Variants in EDRF1 observed in about 807,000 individuals in gnomAD.
The protein encoded by EDRF1 is erythroid differentiation regulatory factor 1, also known as erythroid differentiation-related factor 1.
Under a neutral mutation model 148.7 loss-of-function variants are expected in EDRF1, and 69 were observed. The ratio of observed to expected loss-of-function variants is 0.46; its 90% CI spans 0.38 to 0.57. The LOEUF is 0.57. Among genes scored for constraint, EDRF1 ranks in the 20% least tolerant of loss-of-function variants. The probability of loss-of-function intolerance (pLI) is 0.00; values close to 1 mark genes in which losing one functional copy is unlikely to be tolerated. For missense variants in EDRF1, 1,118 were observed against 1,478.7 expected, an observed-to-expected ratio of 0.76 and a Z score of 4.00; for synonymous variants, 515 against 532.8, an observed-to-expected ratio of 0.97 and a Z score of 0.46.
intron 7 of EDRF1, 105 bp downstream of exon 7, chr10:125,729,209 T>C: frequency 1.4e-6 from 2 of 1,445,550 alleles, no homozygotes; most frequent in Non-Finnish European, 1.9e-6. Flanking sequence ...CACTTGATCC[T>C]GAAACTGCTT....
At chr10:125,748,121 T>G in intron 21 of EDRF1, 109 bp downstream of exon 21, 1 of 1,326,004 alleles carries the variant, frequency 7.5e-7, no homozygotes, top group South Asian at 1.2e-5. Context: ...TCCACTCAGG[T>G]GAACTGCTGT....
chr10:125,747,798 GT>G, intron 20 of EDRF1, 64 bp from the exon 21 acceptor site: 1 of 1,610,218 alleles, frequency 6.2e-7, no homozygotes, highest in Non-Finnish European at 8.5e-7. Flanking sequence ...GTATTTAAAC[GT>G]TTTAAAAACT....
At chr10:125,726,973 G>A (rs575825495) in intron 6 of EDRF1, among the ~76,000 whole-genome samples, 3 of 152,276 alleles carry the variant, frequency 2.0e-5, no homozygotes, top group South Asian at 2.1e-4. Context: ...GTAGACTTGC[G>A]TGTTGAGGAA....
Position 125,738,405 on chromosome 10 carries a change from C to T in EDRF1, c.1941C>T (p.Pro647=), listed in dbSNP as rs766376569. 3 of 1,613,816 alleles carry T rather than the reference C, an allele frequency of 1.9e-6. No individual in the cohort carries two copies. Among genetic ancestry groups the T allele is most frequent in the Admixed American group, 1.7e-5 (1 of 59,988 alleles). Residue 647 remains proline (P), a synonymous_variant, in exon 15 of 25, where the codon CCC becomes CCT. Transcript: ENST00000356792. The stretch of plus-strand genomic sequence containing the variant: ...AAGATGAATCCTCAAGAGGGGGTCC[C>T]GAGGGGCTAGAGAAGCAGATGGCCT... ...KYEDESSRGG[P]EGLEKQMALF...
In EDRF1 at chr10:125,763,559, T is replaced by C. The variant is rs574930511; in HGVS notation, c.*87T>C. On this transcript the variant is annotated 3_prime_UTR_variant, in exon 25 of 25. Coordinates refer to ENST00000356792, the MANE Select transcript of EDRF1 (RefSeq NM_001202438.2). The surrounding 1 kb of genome is among the most constrained non-coding windows in gnomAD (Gnocchi z 4.3). ...TTCGGTGCTTTGTTTCATTAAATAA[T>C]AGGGAAATATCCATTTAAAACAGGT... The C allele has an allele frequency of 2.9e-5, 40 of 1,385,476 alleles. No individual in the cohort carries two copies. The South Asian group carries it at 3.9e-4, about 14-fold the overall frequency. The allele number at this position is 1,385,476 out of a possible 1,614,324, so 85.8% of individuals were successfully genotyped here. A position where few individuals can be genotyped will look rare whatever the true frequency, so the allele number is the denominator to read the frequency against.
intron 24 of EDRF1, chr10:125,761,218 T>C (rs1314563055): frequency 2.5e-6 from 1 of 404,332 alleles, no homozygotes; most frequent in Admixed American, 2.8e-5. Flanking sequence ...ATTTTTGTTT[T>C]CATTTTCAGG....
chr10:125,747,418 A>G, intron 19 of EDRF1, 118 bp from the exon 20 acceptor site: 1 of 1,167,550 alleles, frequency 8.6e-7, no homozygotes, highest in South Asian at 1.3e-5. Flanking sequence ...TTGTCTCTTT[A>G]TAAATTATCC....
At position 125,723,840 on chromosome 10, in the gene EDRF1, C is replaced by T. The variant is rs1231720017; in HGVS notation, c.414C>T (p.Tyr138=). The T allele has an allele frequency of 1.2e-6, 2 of 1,613,588 alleles. No individual in the cohort carries two copies. Among genetic ancestry groups the T allele is most frequent in the Admixed American group, 1.7e-5 (1 of 60,002 alleles). Residue 138 remains tyrosine (Y), a synonymous_variant, in exon 4 of 25, where the codon TAC becomes TAT. Coordinates refer to ENST00000356792, the MANE Select transcript of EDRF1 (RefSeq NM_001202438.2). ...TAAAAAAACTCCTGAAAATTCCCTA[C>T]AGCAAGTCGCACGTGAGCATGGCAG... ...ENIKKLLKIP[Y]SKSHVSMAVH...
intron 17 of EDRF1, chr10:125,742,203 CTGT>C (rs770682771): frequency 1.8e-4 from 226 of 1,286,820 alleles, no homozygotes; most frequent in Non-Finnish European, 2.2e-4. Flanking sequence ...ATATGTCACT[CTGT>C]TTGGAATTGT....
intron 22 of EDRF1, chr10:125,750,592 A>G (rs1051567754): frequency 6.6e-6 from 1 of 152,248 alleles, no homozygotes; most frequent in Non-Finnish European, 1.5e-5. Flanking sequence ...CTTAGTTTAC[A>G]TAATACAGTA....
rs767570102 is a variant in EDRF1, at chr10:125,719,778, C to T, written c.-30C>T. ...TTGCTGCTGCTGCTCCTCCGCTCCC[C>T]CGTCGTATCGCCTGCCCTGGATCGA... is the stretch of plus-strand genomic sequence containing the variant. On this transcript the variant is annotated 5_prime_UTR_variant, in exon 1 of 25. Coordinates refer to ENST00000356792, the MANE Select transcript of EDRF1 (RefSeq NM_001202438.2). 3 of 1,585,084 alleles carry T rather than the reference C, an allele frequency of 1.9e-6. No homozygotes were observed. Among genetic ancestry groups the T allele is most frequent in the South Asian group, 1.1e-5 (1 of 89,380 alleles).
In EDRF1 at chr10:125,743,186, G is replaced by T; in HGVS notation, c.2500G>T (p.Val834Leu). The T allele has an allele frequency of 6.2e-7, 1 of 1,613,856 alleles. No homozygotes were observed. The highest frequency in any genetic ancestry group is 1.3e-5 in the African/African-American group (1 of 75,032). ...GAAAAGCCAAAATCCAGAACACTAT[G>T]TACAAGTATTAAAGAGAATGGGTAA... ...DLKSQNPEHY[V>L]QVLKRMGNIR... The change falls in exon 18 of 25, where the codon GTA (valine) becomes TTA (leucine). Residue 834 changes from valine (V) to leucine (L), a missense_variant. Coordinates refer to ENST00000356792, the MANE Select transcript of EDRF1 (RefSeq NM_001202438.2).
In EDRF1 at chr10:125,721,292, G is replaced by A; in HGVS notation, c.197G>A (p.Arg66His). Residue 66 changes from arginine (R) to histidine (H), a missense_variant, in exon 2 of 25, where the codon CGC becomes CAC. Physicochemically the swap from Arg to His is conservative, Grantham distance 29. This residue lies in a region of EDRF1 where 99 missense variants were observed against 186.9 expected (regional missense o/e 0.53). Transcript: ENST00000356792. Reference protein sequence around the residue: ...SSAPPRTAFARLEEKTDLKLP... With the variant: ...SSAPPRTAFAHLEEKTDLKLP... ...GCCCCTCCTCGAACAGCATTTGCAC[G>A]CCTTGAAGAGAAAACAGACTTGAAA... The A allele has an allele frequency of 6.2e-7, 1 of 1,614,150 alleles. No homozygotes were observed.
chr10:125,734,032 A>G (rs1444721567), intron 11 of EDRF1, 40 bp from the exon 12 acceptor site: 1 of 1,499,330 alleles, frequency 6.7e-7, no homozygotes, highest in Non-Finnish European at 9.3e-7. Context: ...GCAGACAACG[A>G]TGAAATGGGC....
chr10:125,732,403 T>C (rs1380655848), intron 9 of EDRF1, among the ~76,000 whole-genome samples: 1 of 152,128 alleles, frequency 6.6e-6, no homozygotes, highest in East Asian at 1.9e-4. Flanking sequence ...TTGTCACATG[T>C]TCAGTTTGAG....
At chr10:125,744,033 C>G (rs947540464) in intron 18 of EDRF1, among the ~76,000 whole-genome samples, 4 of 152,028 alleles carry the variant, frequency 2.6e-5, no homozygotes, top group African/African-American at 9.7e-5. Flanking sequence ...TTGAAGTGTG[C>G]TAAGAGCTGT....
intron 24 of EDRF1, among the ~76,000 whole-genome samples, chr10:125,757,474 A>G (rs571468940): frequency 6.6e-6 from 1 of 152,316 alleles, no homozygotes; most frequent in South Asian, 2.1e-4. Context: ...TACCTTATAC[A>G]GTTATCTTTA....
At chr10:125,721,063 A>G in intron 1 of EDRF1, 141 bp from the exon 2 acceptor site, 2 of 800,148 alleles carry the variant, frequency 2.5e-6, no homozygotes, top group East Asian at 2.5e-5. Context: ...TTTATGCTCA[A>G]ATTTATTAAG....
At chr10:125,732,664 C>T (rs1848532384) in intron 9 of EDRF1, among the ~76,000 whole-genome samples, 1 of 152,140 alleles carries the variant, frequency 6.6e-6, no homozygotes, top group Non-Finnish European at 1.5e-5. Flanking sequence ...TTGGGGACTT[C>T]ACATGAACAA....
Sources: allele counts gnomAD v4.1 joint callset (sites outside exome capture counted in the v4.1 genomes callset), GRCh38; gene constraint gnomAD v4.1.1; regional missense constraint gnomAD v4.1.1; non-coding constraint Gnocchi (gnomAD v3.1); transcripts MANE v1.5; gene names NCBI Gene and HGNC (gene_info 2026-07-23, HGNC 2026-07-21).